Variants in NOTCH2 observed in about 807,000 individuals in gnomAD.
NOTCH2 encodes the protein neurogenic locus notch homolog protein 2.
Under a neutral mutation model 235.8 loss-of-function variants are expected in NOTCH2, and 29 were observed. That is an observed-to-expected ratio of 0.12 (90% CI 0.09 to 0.17). NOTCH2 has a LOEUF of 0.17. Ranked by LOEUF, NOTCH2 falls within the 10% of genes least tolerant of loss-of-function variation. The pLI is 1.00. For missense variants in NOTCH2, 2,285 were observed against 3,150.2 expected (o/e 0.73, Z 6.57); for synonymous variants, 1,086 against 1,141.5 (o/e 0.95, Z 0.98).
At chr1:119,999,913 GAGAGAGAAAGAAAGAA>G (rs1652650715) in intron 3 of NOTCH2, among the ~76,000 whole-genome samples, 1 of 110,268 alleles carries the variant, frequency 9.1e-6, no homozygotes, top group Non-Finnish European at 1.8e-5. Context: ...AAGAGAGAAA[GAGAGAGAAAGAAAGAA>G]AGAAAGAAAG....
intron 1 of NOTCH2, among the ~76,000 whole-genome samples, chr1:120,063,248 C>T (rs1176420031): frequency 1.3e-5 from 2 of 152,170 alleles, no homozygotes; most frequent in African/African-American, 4.8e-5. Flanking sequence ...AGCCCAGAAA[C>T]CCCAAAAGCA....
chr1:119,914,623 G>A lies in NOTCH2; in HGVS notation c.*683C>T, dbSNP rs908546573. The A allele has an allele frequency of 4.2e-6, 1 of 239,332 alleles. No homozygotes were observed. Among genetic ancestry groups the A allele is most frequent in the African/African-American group, 2.2e-5 (1 of 45,360 alleles). The allele number at this position is 239,332 out of a possible 1,614,324, so 14.8% of individuals were successfully genotyped here. On this transcript the variant is annotated 3_prime_UTR_variant, in exon 34 of 34. Coordinates refer to ENST00000256646, the MANE Select transcript of NOTCH2 (RefSeq NM_024408.4). Reference sequence around the variant, plus strand: ...GATATATGCAGGAGAACACAATACAGTATGTCCATTTTCCAAAGAAACAAC... The same window carrying A: ...GATATATGCAGGAGAACACAATACAATATGTCCATTTTCCAAAGAAACAAC...
chr1:119,952,271 G>C (rs1650507673), intron 14 of NOTCH2, among the ~76,000 whole-genome samples: 1 of 152,182 alleles, frequency 6.6e-6, no homozygotes, highest in Non-Finnish European at 1.5e-5. Context: ...CCAGGGATTG[G>C]TTTCGTGGAA....
At chr1:119,971,599 C>T (rs1651362972) in intron 5 of NOTCH2, among the ~76,000 whole-genome samples, 1 of 152,102 alleles carries the variant, frequency 6.6e-6, no homozygotes, top group Admixed American at 6.6e-5. Context: ...ACAGGAAGAT[C>T]ACTGGAGCCC....
intron 5 of NOTCH2, among the ~76,000 whole-genome samples, chr1:119,970,381 C>A (rs1037908003): frequency 6.6e-6 from 1 of 152,192 alleles, no homozygotes; most frequent in African/African-American, 2.4e-5. Context: ...TGTTGAAAAT[C>A]TCTGGTGAAG....
intron 2 of NOTCH2, among the ~76,000 whole-genome samples, chr1:120,029,269 T>A (rs1356860823): frequency 2.0e-5 from 3 of 151,406 alleles, no homozygotes; most frequent in African/African-American, 7.3e-5. Context: ...AACAAGATAA[T>A]AGGTAACATG....
At chr1:119,985,819 TAC>T (rs1221362657) in intron 5 of NOTCH2, among the ~76,000 whole-genome samples, 1 of 152,056 alleles carries the variant, frequency 6.6e-6, no homozygotes, top group African/African-American at 2.4e-5. Flanking sequence ...TCACAAAAAG[TAC>T]AGAGGGTTAG....
chr1:119,959,343 C>T (rs1471913804), intron 12 of NOTCH2, 49 bp downstream of exon 12: 1 of 1,009,474 alleles, frequency 9.9e-7, no homozygotes, highest in East Asian at 2.4e-5. Flanking sequence ...TGCTATATTC[C>T]CAAAGTGATA....
At chr1:120,028,815 C>T (rs1553210458) in intron 2 of NOTCH2, among the ~76,000 whole-genome samples, 1 of 145,378 alleles carries the variant, frequency 6.9e-6, no homozygotes. Context: ...AGAGAAATTT[C>T]ATATTACCAA....
rs150344945 is a variant in NOTCH2 at position 119,935,143 on chromosome 1, T to C, written c.3655+329A>G. On this transcript the variant is annotated intron_variant, in intron 22 of 33. Coordinates refer to ENST00000256646, the MANE Select transcript of NOTCH2 (RefSeq NM_024408.4). ...GTAAATTGTTTATTTTAGAGGCCAT[T>C]AGTTGCTTTTCTGTGAAGCAACAAG... 37 of 1,228,150 alleles carry C rather than the reference T, an allele frequency of 3.0e-5. No homozygotes were observed. The African/African-American group carries it at 3.9e-4, about 13-fold the overall frequency. 76.1% of individuals were successfully genotyped at this position (1,228,150 alleles called of 1,614,324 possible). A position where few individuals can be genotyped will look rare whatever the true frequency, so the allele number is the denominator to read the frequency against.
chr1:119,956,122 G>GA (rs1277980581), intron 12 of NOTCH2, among the ~76,000 whole-genome samples: 3 of 152,160 alleles, frequency 2.0e-5, no homozygotes, highest in Admixed American at 1.3e-4. Flanking sequence ...ACATAGCCAA[G>GA]ATTGCTCTTT....
At chr1:119,950,526 T>C (rs587766290) in intron 15 of NOTCH2, 198 bp downstream of exon 15, 2 of 695,342 alleles carry the variant, frequency 2.9e-6, no homozygotes, top group East Asian at 2.7e-5. Flanking sequence ...GGCAAATGAC[T>C]GTCCACCACT....
At chr1:120,006,144 G>A (rs1553206254) in intron 2 of NOTCH2, among the ~76,000 whole-genome samples, 1 of 152,050 alleles carries the variant, frequency 6.6e-6, no homozygotes, top group African/African-American at 2.4e-5. Flanking sequence ...ACATCAATTG[G>A]CTGATACCTA....
At chr1:120,006,191 C>T (rs1331410186) in intron 2 of NOTCH2, among the ~76,000 whole-genome samples, 14 of 151,224 alleles carry the variant, frequency 9.3e-5, no homozygotes, top group African/African-American at 1.7e-4. Context: ...GACATTACAA[C>T]GGAAAAAGGG....
intron 5 of NOTCH2, among the ~76,000 whole-genome samples, chr1:119,975,288 G>C (rs1651527997): frequency 1.3e-5 from 2 of 152,094 alleles, no homozygotes; most frequent in Admixed American, 6.6e-5. Context: ...GCAGGAGTAG[G>C]GTCACCTCCA....
At chr1:119,984,803 C>G (rs1651948633) in intron 5 of NOTCH2, among the ~76,000 whole-genome samples, 1 of 152,068 alleles carries the variant, frequency 6.6e-6, no homozygotes. Context: ...TCAATACAAA[C>G]GTGGTAAGTG....
chr1:119,927,408 C>CAGCAGCCGCTAACCAAG (rs1553194652), intron 23 of NOTCH2, among the ~76,000 whole-genome samples: 1 of 152,214 alleles, frequency 6.6e-6, no homozygotes, highest in Non-Finnish European at 1.5e-5. Flanking sequence ...CAAATCACAG[C>CAGCAGCCGCTAACCAAG]AGCAGCCGCT....
intron 23 of NOTCH2, among the ~76,000 whole-genome samples, chr1:119,927,738 C>T (rs1326618003): frequency 1.3e-5 from 2 of 152,164 alleles, no homozygotes; most frequent in African/African-American, 2.4e-5. Context: ...TTGGCCAATA[C>T]GAGGCTGTAG....
At chr1:120,034,403 C>T (rs2596074) in intron 1 of NOTCH2, among the ~76,000 whole-genome samples, 403 of 109,904 alleles carry the variant, frequency 3.7e-3, no homozygotes, top group East Asian at 0.02. Flanking sequence ...CATCATTTGG[C>T]AATATAATAC....
Sources: allele counts gnomAD v4.1 joint callset (sites outside exome capture counted in the v4.1 genomes callset), GRCh38; gene constraint gnomAD v4.1.1; transcripts MANE v1.5; gene names NCBI Gene and HGNC (gene_info 2026-07-23, HGNC 2026-07-21).